The following ANO3 variants were observed in gnomAD, a reference collection of about 807,000 sequenced individuals.
The protein encoded by ANO3 is anoctamin 3.
A neutral mutation model predicts 144.8 loss-of-function variants in ANO3; 99 were observed. The ratio of observed to expected loss-of-function variants is 0.68; its 90% CI spans 0.58 to 0.81. ANO3 has a LOEUF of 0.81. Ranked by LOEUF, ANO3 falls within the 30% of genes least tolerant of loss-of-function variation. The probability of loss-of-function intolerance (pLI) is 0.00; values close to 1 mark genes in which losing one functional copy is unlikely to be tolerated. For missense variants in ANO3, 905 were observed against 1,202.2 expected, an observed-to-expected ratio of 0.75 and a Z score of 3.66; for synonymous variants, 414 against 392.6, an observed-to-expected ratio of 1.05 and a Z score of -0.64.
intron 7 of ANO3, among the ~76,000 whole-genome samples, chr11:26,526,962 C>T (rs1849179096): frequency 6.6e-6 from 1 of 152,116 alleles, no homozygotes; most frequent in African/African-American, 2.4e-5. Context: ...CTTTGCTCTG[C>T]ATATGCCTGC....
At chr11:26,564,914 C>A (rs528544024) in intron 14 of ANO3, among the ~76,000 whole-genome samples, 1 of 150,472 alleles carries the variant, frequency 6.6e-6, no homozygotes, top group South Asian at 2.1e-4. Flanking sequence ...CTTGACCTAA[C>A]CTAACTTCAC....
chr11:26,542,381 A>G (rs1019811427), intron 11 of ANO3, among the ~76,000 whole-genome samples: 25 of 152,034 alleles, frequency 1.6e-4, no homozygotes, highest in African/African-American at 5.3e-4. Flanking sequence ...TACCATTGCT[A>G]GGGCTTCCAG....
intron 1 of ANO3, among the ~76,000 whole-genome samples, chr11:26,377,055 T>C (rs537871876): frequency 1.3e-5 from 2 of 152,274 alleles, no homozygotes; most frequent in South Asian, 4.1e-4. Flanking sequence ...AAAGGAAGAA[T>C]GCATTTATAG....
intron 1 of ANO3, among the ~76,000 whole-genome samples, chr11:26,249,994 G>A (rs1277255432): frequency 2.0e-5 from 3 of 152,130 alleles, no homozygotes; most frequent in Non-Finnish European, 4.4e-5. Flanking sequence ...ACCAACGTCT[G>A]TTGTTATTTC....
intron 4 of ANO3, among the ~76,000 whole-genome samples, chr11:26,470,887 G>A (rs1351872232): frequency 1.3e-5 from 2 of 151,892 alleles, no homozygotes; most frequent in Non-Finnish European, 2.9e-5. Context: ...TTTAAAATAA[G>A]ATAGTCTTGT....
At chr11:26,500,591 A>G (rs940153293) in intron 4 of ANO3, among the ~76,000 whole-genome samples, 5 of 152,128 alleles carry the variant, frequency 3.3e-5, no homozygotes, top group Non-Finnish European at 5.9e-5. Context: ...GGTCATTTCT[A>G]TATTTTCTTT....
chr11:26,640,044 A>C (rs1853096967), intron 21 of ANO3, among the ~76,000 whole-genome samples: 1 of 151,880 alleles, frequency 6.6e-6, no homozygotes, highest in Non-Finnish European at 1.5e-5. Flanking sequence ...TACATATTTT[A>C]TCAGAACATT....
chr11:26,543,948 T>C (rs1493742), intron 11 of ANO3, among the ~76,000 whole-genome samples: 98,585 of 151,366 alleles, frequency 0.65, 32,373 homozygotes, highest in East Asian at 0.83. Context: ...TTAAGTGTTT[T>C]GGTATGTTCA....
At chr11:26,655,525 A>G (rs2133093910) in intron 24 of ANO3, among the ~76,000 whole-genome samples, 1 of 152,134 alleles carries the variant, frequency 6.6e-6, no homozygotes, top group East Asian at 1.9e-4. Flanking sequence ...CTTCATTTTT[A>G]TTTTCATAGC....
chr11:26,409,468 T>C (rs1232519278), intron 1 of ANO3, among the ~76,000 whole-genome samples: 1 of 151,960 alleles, frequency 6.6e-6, no homozygotes, highest in Non-Finnish European at 1.5e-5. Context: ...AATTGTTTTT[T>C]TCTACCTCCA....
chr11:26,545,940 T>G (rs2703403), intron 11 of ANO3, among the ~76,000 whole-genome samples: 99,875 of 151,682 alleles, frequency 0.66, 33,175 homozygotes, highest in East Asian at 0.83. Context: ...CTACTTTTAC[T>G]TAGGTGACTA....
chr11:26,485,120 T>C (rs1860391971), intron 4 of ANO3, among the ~76,000 whole-genome samples: 1 of 152,184 alleles, frequency 6.6e-6, no homozygotes, highest in South Asian at 2.1e-4. Flanking sequence ...AATGCTGAAA[T>C]TAGTTAAGAC....
chr11:26,329,876 G>C (rs1464724180), upstream of ANO3, among the ~76,000 whole-genome samples: 2 of 150,510 alleles, frequency 1.3e-5, no homozygotes, highest in African/African-American at 4.9e-5. Context: ...GCGGTGGTGC[G>C]ATCTAGGCTC....
intron 1 of ANO3, among the ~76,000 whole-genome samples, chr11:26,303,659 C>G (rs191915843): frequency 6.6e-6 from 1 of 152,258 alleles, no homozygotes; most frequent in African/African-American, 2.4e-5. Context: ...GCAATATACC[C>G]ATGTAACAAA....
chr11:26,400,110 TTTTG>T (rs144338342), intron 1 of ANO3, among the ~76,000 whole-genome samples: 12,627 of 152,062 alleles, frequency 0.083, 1,022 homozygotes, highest in African/African-American at 0.22. Flanking sequence ...TTTTTTTTGT[TTTTG>T]TTTTTGTTGT....
chr11:26,655,375 G>T (rs1021725899), intron 24 of ANO3, among the ~76,000 whole-genome samples: 3 of 152,156 alleles, frequency 2.0e-5, no homozygotes, highest in African/African-American at 7.2e-5. Context: ...ATAGGTGATT[G>T]CCAATTTCCC....
At chr11:26,404,362 T>TTAA (rs1466309143) in intron 1 of ANO3, among the ~76,000 whole-genome samples, 8 of 151,848 alleles carry the variant, frequency 5.3e-5, no homozygotes, top group Non-Finnish European at 8.8e-5. Flanking sequence ...TGAGGCCAGT[T>TTAA]TAATGTTCTA....
At chr11:26,624,393 A>C in intron 17 of ANO3, 69 bp from the exon 18 acceptor site, 1 of 1,089,840 alleles carries the variant, frequency 9.2e-7, no homozygotes, top group Non-Finnish European at 1.4e-6. Context: ...TGTTTCTTCA[A>C]ATAGTGTAAA....
intron 1 of ANO3, among the ~76,000 whole-genome samples, chr11:26,285,345 G>A (rs1853781257): frequency 1.3e-5 from 2 of 152,062 alleles, no homozygotes; most frequent in African/African-American, 4.8e-5. Flanking sequence ...AGCAAGACAT[G>A]TTGTATGAAA....
Sources: gnomAD v4.1 joint callset for allele counts (sites outside exome capture counted in the v4.1 genomes callset) on GRCh38, gnomAD v4.1.1 for gene constraint, MANE v1.5 for transcripts, NCBI Gene and HGNC (gene_info 2026-07-23, HGNC 2026-07-21) for gene names.